Variants in KCNMA1 observed in about 807,000 individuals in gnomAD.
KCNMA1 encodes the protein potassium calcium-activated channel subfamily M alpha 1.
Under a neutral mutation model 140.0 loss-of-function variants are expected in KCNMA1, and 29 were observed. The ratio of observed to expected loss-of-function variants is 0.21; its 90% CI spans 0.15 to 0.28. KCNMA1 has a LOEUF of 0.28. Among genes scored for constraint, KCNMA1 ranks in the 10% least tolerant of loss-of-function variants. KCNMA1 has a pLI of 1.00. For synonymous variants in KCNMA1, 612 were observed against 611.9 expected (o/e 1.00, Z 0.00); for missense variants, 880 against 1,602.2 (o/e 0.55, Z 7.70).
intron 1 of KCNMA1, among the ~76,000 whole-genome samples, chr10:77,425,085 GTGGATGGATGGATGGATGGATGAGTGGA>G (rs1290034345): frequency 1.3e-5 from 2 of 151,148 alleles, no homozygotes; most frequent in East Asian, 2.0e-4. Flanking sequence ...GGATGGATGA[GTGGATGGATGGATGGATGGATGAGTGGA>G]TGGATGGATG....
intron 3 of KCNMA1, among the ~76,000 whole-genome samples, chr10:77,233,270 T>C (rs1478270515): frequency 6.6e-6 from 1 of 152,200 alleles, no homozygotes; most frequent in Non-Finnish European, 1.5e-5. Flanking sequence ...AATTGCATTA[T>C]TACTCTTTCT....
At chr10:76,954,329 A>G (rs1414980046) in intron 20 of KCNMA1, among the ~76,000 whole-genome samples, 1 of 152,034 alleles carries the variant, frequency 6.6e-6, no homozygotes, top group Admixed American at 6.6e-5. Context: ...AAGGGTTGCT[A>G]TGAGCCTCGG....
At chr10:77,121,974 G>C (rs2097610467) in intron 5 of KCNMA1, among the ~76,000 whole-genome samples, 1 of 152,218 alleles carries the variant, frequency 6.6e-6, no homozygotes, top group South Asian at 2.1e-4. Context: ...TTCTTTTGCA[G>C]ACTTTCTAGA....
At chr10:77,496,855 G>A (rs2042145445) in intron 1 of KCNMA1, among the ~76,000 whole-genome samples, 1 of 152,134 alleles carries the variant, frequency 6.6e-6, no homozygotes, top group South Asian at 2.1e-4. Flanking sequence ...TTCACCTGGT[G>A]TCCCACAAGT....
intron 22 of KCNMA1, among the ~76,000 whole-genome samples, chr10:76,947,619 T>C (rs1489522570): frequency 6.6e-6 from 1 of 152,198 alleles, no homozygotes; most frequent in Non-Finnish European, 1.5e-5. Flanking sequence ...AAAGCATATA[T>C]ATGCTTATGC....
At chr10:76,925,683 T>A (rs2057459074) in intron 23 of KCNMA1, among the ~76,000 whole-genome samples, 1 of 152,208 alleles carries the variant, frequency 6.6e-6, no homozygotes, top group South Asian at 2.1e-4. Context: ...TTTTCAGCAT[T>A]TGTCATGTAG....
chr10:77,112,466 A>G, intron 6 of KCNMA1, 24 bp from the exon 7 acceptor site: 1 of 1,591,384 alleles, frequency 6.3e-7, no homozygotes, highest in South Asian at 1.1e-5. Flanking sequence ...AACAAGCAAA[A>G]TCCCCACGTT....
chr10:77,301,684 C>T (rs1262281496), intron 2 of KCNMA1, among the ~76,000 whole-genome samples: 3 of 151,978 alleles, frequency 2.0e-5, no homozygotes, highest in Non-Finnish European at 1.5e-5. Context: ...TTGGCTTCAA[C>T]TGCACTTCAA....
chr10:77,175,260 T>A (rs2098742946), intron 5 of KCNMA1, among the ~76,000 whole-genome samples: 1 of 152,226 alleles, frequency 6.6e-6, no homozygotes. Flanking sequence ...GTCTTGGACC[T>A]GCCACTTACT....
At chr10:77,397,649 G>A (rs1053274280) in intron 2 of KCNMA1, among the ~76,000 whole-genome samples, 17 of 152,168 alleles carry the variant, frequency 1.1e-4, no homozygotes, top group Non-Finnish European at 1.9e-4. Flanking sequence ...AGGAGTATGA[G>A]TGCAGTTTTG....
At chr10:77,331,025 G>A (rs2086193080) in intron 2 of KCNMA1, among the ~76,000 whole-genome samples, 1 of 152,080 alleles carries the variant, frequency 6.6e-6, no homozygotes, top group South Asian at 2.1e-4. Flanking sequence ...AACGTACAGA[G>A]CCACACGGAA....
chr10:76,936,602 G>A (rs1164584322), intron 23 of KCNMA1, among the ~76,000 whole-genome samples: 1 of 152,122 alleles, frequency 6.6e-6, no homozygotes, highest in Non-Finnish European at 1.5e-5. Context: ...ATGTTATATG[G>A]GAGCAGCTGA....
chr10:77,406,438 C>A (rs40432), intron 1 of KCNMA1, among the ~76,000 whole-genome samples: 97,389 of 152,030 alleles, frequency 0.64, 31,715 homozygotes, highest in East Asian at 0.95. Flanking sequence ...TTCTCGTGCC[C>A]CTGACACCAT....
intron 2 of KCNMA1, among the ~76,000 whole-genome samples, chr10:77,397,977 T>C (rs976252536): frequency 2.0e-5 from 3 of 151,940 alleles, no homozygotes; most frequent in African/African-American, 7.3e-5. Context: ...TAGTATCTTA[T>C]TGTGTGTGTT....
intron 3 of KCNMA1, among the ~76,000 whole-genome samples, chr10:77,222,264 T>C (rs2049940657): frequency 6.6e-6 from 1 of 152,196 alleles, no homozygotes. Context: ...AGAATCAGAT[T>C]GGAAGAGCAC....
At chr10:77,615,673 G>A (rs551431331) in intron 1 of KCNMA1, among the ~76,000 whole-genome samples, 10 of 152,140 alleles carry the variant, frequency 6.6e-5, no homozygotes, top group African/African-American at 2.2e-4. Flanking sequence ...TCCTATAGTG[G>A]TATAGGGGTG....
intron 14 of KCNMA1, among the ~76,000 whole-genome samples, chr10:77,056,153 G>A (rs76197772): frequency 6.6e-6 from 1 of 152,190 alleles, no homozygotes; most frequent in African/African-American, 2.4e-5. Context: ...GCCAAGGCGA[G>A]TGGATCACCT....
chr10:77,303,623 G>A (rs1039715846), intron 2 of KCNMA1, among the ~76,000 whole-genome samples: 1 of 152,138 alleles, frequency 6.6e-6, no homozygotes, highest in Non-Finnish European at 1.5e-5. Flanking sequence ...CTTCCACTGT[G>A]TACTACAGGC....
intron 2 of KCNMA1, among the ~76,000 whole-genome samples, chr10:77,260,596 C>G (rs886510223): frequency 1.3e-5 from 2 of 152,184 alleles, no homozygotes; most frequent in Non-Finnish European, 2.9e-5. Flanking sequence ...CTATTCCCAG[C>G]TACTGGGGAG....
Sources: allele counts gnomAD v4.1 joint callset (sites outside exome capture counted in the v4.1 genomes callset), GRCh38; gene constraint gnomAD v4.1.1; transcripts MANE v1.5; gene names NCBI Gene and HGNC (gene_info 2026-07-23, HGNC 2026-07-21).